The following PHGDH variants were observed in gnomAD, a reference collection of about 807,000 sequenced individuals.
The protein encoded by PHGDH is D-3-phosphoglycerate dehydrogenase.
Under a neutral mutation model 52.6 loss-of-function variants are expected in PHGDH, and 50 were observed. The observed-to-expected ratio is 0.95, with a 90% CI of 0.76 to 1.20. PHGDH has a LOEUF of 1.20. Among genes scored for constraint, PHGDH ranks in the 50% most tolerant of loss-of-function variants. The pLI is 0.00. For missense variants in PHGDH, 630 were observed against 684.6 expected (o/e 0.92, Z 0.89); for synonymous variants, 271 against 280.5 (o/e 0.97, Z 0.34).
chr1:119,724,900 A>G (rs1354396319), intron 3 of PHGDH: 1 of 456,632 alleles, frequency 2.2e-6, no homozygotes, highest in Non-Finnish European at 4.4e-6. Context: ...GGAAACACGC[A>G]CACCCTATTG....
intron 8 of PHGDH, chr1:119,740,070 G>A: frequency 2.7e-6 from 1 of 366,666 alleles, no homozygotes; most frequent in Non-Finnish European, 5.2e-6. Context: ...CCTTTATTGT[G>A]CTGTCCAATC....
At chr1:119,741,977 T>G in intron 10 of PHGDH, 80 bp downstream of exon 10, 1 of 1,258,784 alleles carries the variant, frequency 7.9e-7, no homozygotes, top group Non-Finnish European at 1.2e-6. Flanking sequence ...GCCCGTTCTC[T>G]GAGCGGAGGC....
intron 8 of PHGDH, among the ~76,000 whole-genome samples, chr1:119,738,063 G>A (rs1226687041): frequency 6.8e-6 from 1 of 146,730 alleles, no homozygotes; most frequent in African/African-American, 2.6e-5. Context: ...CAGTTCCATG[G>A]GGTGTTTTTT....
intron 3 of PHGDH, 192 bp from the exon 4 acceptor site, chr1:119,726,659 A>G: frequency 1.6e-6 from 1 of 640,236 alleles, no homozygotes; most frequent in Non-Finnish European, 2.8e-6. Context: ...TTTCTAAGTC[A>G]GATCTTGCCA....
In PHGDH at chr1:119,723,358, C is replaced by G. The variant is rs199604131; in HGVS notation, c.291-18C>G. ...TGGGTCTGTGCCCATTGATGTCCCC[C>G]TTTTCTTTGATCTTTAGCACCCCCA... On this transcript the variant is annotated intron_variant, in intron 2 of 11. Coordinates refer to ENST00000641023, the MANE Select transcript of PHGDH (RefSeq NM_006623.4). The G allele has an allele frequency of 6.2e-7, 1 of 1,605,400 alleles. No individual in the cohort carries two copies. The highest frequency in any genetic ancestry group is 2.2e-5 in the East Asian group (1 of 44,818).
chr1:119,739,646 G>A (rs1184246920), intron 8 of PHGDH: 2 of 152,176 alleles, frequency 1.3e-5, no homozygotes, highest in Non-Finnish European at 2.9e-5. Flanking sequence ...TAAGATGGTT[G>A]ACTTTACAAG....
At chr1:119,733,589 G>C (rs1651801561) in intron 5 of PHGDH, among the ~76,000 whole-genome samples, 1 of 151,940 alleles carries the variant, frequency 6.6e-6, no homozygotes, top group African/African-American at 2.4e-5. Context: ...TCCTGCCTCA[G>C]CCTCCCAAAG....
intron 7 of PHGDH, 66 bp downstream of exon 7, chr1:119,735,509 G>A: frequency 6.7e-7 from 1 of 1,488,254 alleles, no homozygotes; most frequent in Non-Finnish European, 9.2e-7. Context: ...GCCCATGGCA[G>A]GGAAAGCCTG....
In PHGDH at chr1:119,734,964, C is replaced by T. The variant is rs1025010632; in HGVS notation, c.643+198C>T. On this transcript the variant is annotated intron_variant, in intron 6 of 11. Coordinates refer to ENST00000641023, the MANE Select transcript of PHGDH (RefSeq NM_006623.4). ...TGAGCCAGCTAGAAGTGCTTGGGGT[C>T]TAGGTAAGCTGGGCACAGGGACAAC... 1.4e-5 allele frequency: 9 copies of T among 661,142 alleles called. No individual in the cohort carries two copies. In the Admixed American group the frequency reaches 2.2e-4, roughly 16 times the overall value. The allele number at this position is 661,142 out of a possible 1,614,324, so 41.0% of individuals were successfully genotyped here.
chr1:119,723,157 G>A (rs587644743), intron 2 of PHGDH, among the ~76,000 whole-genome samples: 1 of 152,314 alleles, frequency 6.6e-6, no homozygotes, highest in South Asian at 2.1e-4. Context: ...TTTCTCTAAT[G>A]GAGGTCCCTC....
intron 5 of PHGDH, among the ~76,000 whole-genome samples, chr1:119,733,343 TA>T (rs1455550814): frequency 1.4e-4 from 20 of 146,094 alleles, no homozygotes; most frequent in African/African-American, 4.3e-4. Flanking sequence ...TATTTTGTTT[TA>T]TTTTTTTTTT....
rs1651453607 is a variant in PHGDH at position 119,726,969 on chromosome 1, C to T, written c.412-35C>T. 2.5e-6 allele frequency: 4 copies of T among 1,605,652 alleles called. No individual in the cohort carries two copies. The South Asian group carries it at 4.4e-5, about 18-fold the overall frequency. ...GCCCGGGGTCCACTCATGTTGCTGACTTCAGCTTCTTTCCTTTTGCCTGTT... is the reference window on the plus strand; with the variant it reads ...GCCCGGGGTCCACTCATGTTGCTGATTTCAGCTTCTTTCCTTTTGCCTGTT... On this transcript the variant is annotated intron_variant, in intron 4 of 11. Transcript: ENST00000641023.
intron 5 of PHGDH, among the ~76,000 whole-genome samples, chr1:119,733,170 C>G (rs1407094013): frequency 6.6e-6 from 1 of 152,094 alleles, no homozygotes; most frequent in Admixed American, 6.5e-5. Flanking sequence ...GCATCTTTCC[C>G]CAAAACCTGC....
intron 8 of PHGDH, among the ~76,000 whole-genome samples, chr1:119,739,260 G>A (rs1489925999): frequency 1.3e-5 from 2 of 152,160 alleles, no homozygotes. Context: ...AGAGAGATGT[G>A]CCGAGGTGCC....
At chr1:119,728,150 T>C (rs1320839139) in intron 5 of PHGDH, among the ~76,000 whole-genome samples, 1 of 152,166 alleles carries the variant, frequency 6.6e-6, no homozygotes, top group Non-Finnish European at 1.5e-5. Context: ...CTACTGAAGA[T>C]AGCTTTGCTT....
At chr1:119,725,756 C>T (rs1376116850) in intron 3 of PHGDH, among the ~76,000 whole-genome samples, 2 of 152,104 alleles carry the variant, frequency 1.3e-5, no homozygotes, top group African/African-American at 2.4e-5. Flanking sequence ...TCTTTTTGCA[C>T]GCTCGCTCAC....
intron 10 of PHGDH, chr1:119,742,498 G>A (rs1652253639): frequency 1.9e-6 from 1 of 531,946 alleles, no homozygotes; most frequent in South Asian, 2.0e-5. Flanking sequence ...GAGCAGGAGG[G>A]GCCAGAGTGG....
intron 2 of PHGDH, 194 bp downstream of exon 2, chr1:119,721,515 C>T: frequency 1.7e-6 from 1 of 593,178 alleles, no homozygotes; most frequent in Non-Finnish European, 3.0e-6. Context: ...GGCAGCTATG[C>T]TCACCACTAT....
intron 1 of PHGDH, among the ~76,000 whole-genome samples, chr1:119,717,866 G>A (rs1156647373): frequency 6.6e-6 from 1 of 152,186 alleles, no homozygotes; most frequent in African/African-American, 2.4e-5. Context: ...TTTCAGGCAT[G>A]TGAAGTGTTA....
Sources: gnomAD v4.1 joint callset for allele counts (sites outside exome capture counted in the v4.1 genomes callset) on GRCh38, gnomAD v4.1.1 for gene constraint, MANE v1.5 for transcripts, NCBI Gene and HGNC (gene_info 2026-07-23, HGNC 2026-07-21) for gene names.